The following FAM227A variants were observed in gnomAD, a reference collection of about 807,000 sequenced individuals.
FAM227A encodes family with sequence similarity 227 member A, also known as protein FAM227A.
FAM227A carries 80 observed loss-of-function variants against 74.7 expected under a neutral mutation model. The ratio of observed to expected loss-of-function variants is 1.07; its 90% CI spans 0.89 to 1.29. The LOEUF (loss-of-function observed/expected upper bound fraction) is 1.29. Among genes scored for constraint, FAM227A ranks in the 50% most tolerant of loss-of-function variants. The pLI is 0.00. For synonymous variants in FAM227A, 237 were observed against 241.8 expected, an observed-to-expected ratio of 0.98 and a Z score of 0.19; for missense variants, 654 against 683.4, an observed-to-expected ratio of 0.96 and a Z score of 0.48.
intron 14 of FAM227A, 99 bp downstream of exon 14, chr22:38,599,665 C>A: frequency 8.7e-7 from 1 of 1,149,004 alleles, no homozygotes; most frequent in African/African-American, 1.6e-5. Flanking sequence ...GTGCCAGGCG[C>A]TGTGCTAAGG....
In FAM227A at chr22:38,583,261, C is replaced by T. The variant is rs2090740293; in HGVS notation, c.*2864G>A. On this transcript the variant is annotated 3_prime_UTR_variant, in exon 17 of 17. Coordinates refer to ENST00000535113, the MANE Select transcript of FAM227A (RefSeq NM_001013647.2). ...AATCTCAGCTCACTGCATCCTCCAC[C>T]TCCCGGGTTCAAGTGATTCTCCTGC... is the stretch of plus-strand genomic sequence containing the variant. 1 of 205,400 alleles carries T rather than the reference C, an allele frequency of 4.9e-6. No homozygotes were observed. Among genetic ancestry groups the T allele is most frequent in the Non-Finnish European group, 9.9e-6 (1 of 100,674 alleles). 12.7% of individuals were successfully genotyped at this position (205,400 alleles called of 1,614,324 possible). A position where few individuals can be genotyped will look rare whatever the true frequency, so the allele number is the denominator to read the frequency against.
At position 38,583,444 on chromosome 22, in the gene FAM227A, G is replaced by C. The variant is rs2090744301; in HGVS notation, c.*2681C>G. 6.3e-6 allele frequency: 1 copy of C among 159,912 alleles called. No homozygotes were observed. Among genetic ancestry groups the C allele is most frequent in the African/African-American group, 2.4e-5 (1 of 41,412 alleles). 9.9% of individuals were successfully genotyped at this position (159,912 alleles called of 1,614,324 possible). A position where few individuals can be genotyped will look rare whatever the true frequency, so the allele number is the denominator to read the frequency against. ...CCTGCCTTGGCCTCCCAAAGTGCTG[G>C]GATTACAGGCATGAGCCACTGCACC... On this transcript the variant is annotated 3_prime_UTR_variant, in exon 17 of 17. Transcript: ENST00000535113.
chr22:38,613,575 T>C (rs2091514843), intron 11 of FAM227A, among the ~76,000 whole-genome samples: 1 of 149,480 alleles, frequency 6.7e-6, no homozygotes, highest in Non-Finnish European at 1.5e-5. Context: ...CTGACATATA[T>C]AACGGGGAAG....
intron 16 of FAM227A, among the ~76,000 whole-genome samples, chr22:38,590,279 C>CAAAAA: frequency 3.4e-5 from 2 of 57,976 alleles, no homozygotes; most frequent in South Asian, 6.3e-4. Flanking sequence ...GACTCCATCT[C>CAAAAA]AAAAAAAAAA....
rs943187135 is a variant in FAM227A at position 38,583,231 on chromosome 22, G to A, written c.*2894C>T. On this transcript the variant is annotated 3_prime_UTR_variant, in exon 17 of 17. Coordinates refer to ENST00000535113, the MANE Select transcript of FAM227A (RefSeq NM_001013647.2). ...CTTGTTACCCAGGCTGGAGTGCAATGGTGCAATCTCAGCTCACTGCATCCT... is the reference window on the plus strand; with the variant it reads ...CTTGTTACCCAGGCTGGAGTGCAATAGTGCAATCTCAGCTCACTGCATCCT... 1 of 282,792 alleles carries A rather than the reference G, an allele frequency of 3.5e-6. No homozygotes were observed. The highest frequency in any genetic ancestry group is 8.5e-5 in the East Asian group (1 of 11,808). 17.5% of individuals were successfully genotyped at this position (282,792 alleles called of 1,614,324 possible).
At chr22:38,604,332 CA>C (rs1366128658) in intron 13 of FAM227A, among the ~76,000 whole-genome samples, 6 of 151,994 alleles carry the variant, frequency 3.9e-5, no homozygotes, top group East Asian at 1.9e-4. Context: ...CTCAAAAAAA[CA>C]AAAACAAAAA....
intron 11 of FAM227A, among the ~76,000 whole-genome samples, chr22:38,609,993 G>A (rs978505325): frequency 1.3e-5 from 2 of 151,582 alleles, no homozygotes; most frequent in African/African-American, 4.9e-5. Flanking sequence ...GGCTGGTCTC[G>A]AACTCCTGAC....
chr22:38,608,955 C>T (rs2091351893), intron 11 of FAM227A, among the ~76,000 whole-genome samples: 1 of 151,892 alleles, frequency 6.6e-6, no homozygotes, highest in South Asian at 2.1e-4. Flanking sequence ...GCCACCACAC[C>T]CAGCTAATTT....
rs892354000 is a variant in FAM227A at position 38,580,542 on chromosome 22, A to G, written c.*5583T>C. On this transcript the variant is annotated 3_prime_UTR_variant, in exon 17 of 17. Transcript: ENST00000535113. ...TTTTGTGATGTAAGCAGCCATGGATAATCAACCTAGATCCATTAATTCATT... is the reference window on the plus strand; with the variant it reads ...TTTTGTGATGTAAGCAGCCATGGATGATCAACCTAGATCCATTAATTCATT... 1 of 152,192 alleles carries G rather than the reference A, an allele frequency of 6.6e-6. No homozygotes were observed. The allele number at this position is 152,192 out of a possible 1,614,324, so 9.4% of individuals were successfully genotyped here. A position where few individuals can be genotyped will look rare whatever the true frequency, so the allele number is the denominator to read the frequency against.
rs1002668903 is a variant in FAM227A, at chr22:38,639,571, T to A, written c.295+84A>T. Reference sequence around the variant, plus strand: ...GACAGAAACATCCTCATCTGAAACTTGGGATTCCTACTCAGTTGCATTTTA... The same window carrying A: ...GACAGAAACATCCTCATCTGAAACTAGGGATTCCTACTCAGTTGCATTTTA... On this transcript the variant is annotated intron_variant, in intron 4 of 16. Transcript: ENST00000535113. 40 of 1,246,446 alleles carry A rather than the reference T, an allele frequency of 3.2e-5. No homozygotes were observed. The African/African-American group carries it at 5.1e-4, about 16-fold the overall frequency. 77.2% of individuals were successfully genotyped at this position (1,246,446 alleles called of 1,614,324 possible). A position where few individuals can be genotyped will look rare whatever the true frequency, so the allele number is the denominator to read the frequency against.
In FAM227A at chr22:38,628,293, T is replaced by A. The variant is rs1251221711; in HGVS notation, c.671A>T (p.Tyr224Phe). Reference sequence around the variant, plus strand: ...GGGTACACGAAACAAAAGTAAGGCATAGTGCTGGGCTATCCGGTCAAACAG... The same window carrying A: ...GGGTACACGAAACAAAAGTAAGGCAAAGTGCTGGGCTATCCGGTCAAACAG... ...NNLFDRIAQHYALLLFRVPKS... is the reference protein window; with the variant it reads ...NNLFDRIAQHFALLLFRVPKS... Residue 224 changes from tyrosine (Y) to phenylalanine (F), a missense_variant, in exon 8 of 17, where the codon TAT becomes TTT. Physicochemically the swap from Tyr to Phe is conservative, Grantham distance 22. Transcript: ENST00000535113. 1.3e-6 allele frequency: 2 copies of A among 1,551,620 alleles called. No individual in the cohort carries two copies. The highest frequency in any genetic ancestry group is 2.4e-5 in the East Asian group (1 of 40,914).
At chr22:38,630,809 G>A (rs2091901444) in intron 6 of FAM227A, among the ~76,000 whole-genome samples, 3 of 152,146 alleles carry the variant, frequency 2.0e-5, no homozygotes, top group Admixed American at 2.0e-4. Context: ...GCATCCCAGG[G>A]GGATGTGGAG....
intron 13 of FAM227A, among the ~76,000 whole-genome samples, chr22:38,604,645 C>T (rs1396059285): frequency 3.3e-5 from 5 of 151,998 alleles, no homozygotes; most frequent in Non-Finnish European, 7.4e-5. Flanking sequence ...CACTTATTTG[C>T]TTTTTATTTT....
intron 11 of FAM227A, among the ~76,000 whole-genome samples, chr22:38,614,976 T>G (rs2091544831): frequency 6.6e-6 from 1 of 152,222 alleles, no homozygotes; most frequent in Non-Finnish European, 1.5e-5. Flanking sequence ...GATGACCTCA[T>G]TCACGAAGTC....
At chr22:38,626,410 G>A in intron 8 of FAM227A, 107 bp from the exon 9 acceptor site, 1 of 1,352,042 alleles carries the variant, frequency 7.4e-7, no homozygotes, top group Non-Finnish European at 9.8e-7. Context: ...TTTTGTTGTT[G>A]TTGTTGTTTA....
chr22:38,654,378 A>C (rs905943628), intron 1 of FAM227A, among the ~76,000 whole-genome samples: 1 of 151,510 alleles, frequency 6.6e-6, no homozygotes, highest in African/African-American at 2.4e-5. Flanking sequence ...GAGCGGAAAT[A>C]ATATGCCATC....
At chr22:38,625,648 C>A (rs1464414297) in intron 9 of FAM227A, among the ~76,000 whole-genome samples, 1 of 151,628 alleles carries the variant, frequency 6.6e-6, no homozygotes, top group African/African-American at 2.4e-5. Flanking sequence ...TAGCTGAACA[C>A]AAAAAGGGGA....
In FAM227A at chr22:38,650,483, CATG is replaced by C. The variant is rs2092307894; in HGVS notation, c.-94-224_-94-222del. On this transcript the variant is annotated intron_variant, in intron 1 of 16. Coordinates refer to ENST00000535113, the MANE Select transcript of FAM227A (RefSeq NM_001013647.2). ...CCTGACTCTCCCTCTGCCCCTCCCCCATGATGAAAATTGTTCTAGTTTTAAAAA... is the reference window on the plus strand; with the variant it reads ...CCTGACTCTCCCTCTGCCCCTCCCCCATGAAAATTGTTCTAGTTTTAAAAA... Among the ~76,000 whole-genome samples, 4 of 152,210 alleles carry C rather than the reference CATG, an allele frequency of 2.6e-5. No individual in the cohort carries two copies. The South Asian group carries it at 6.2e-4, about 24-fold the overall frequency.
rs1427468479 is a variant in FAM227A, at chr22:38,579,376, G to A, written c.*6749C>T. 6 of 152,318 alleles carry A rather than the reference G, an allele frequency of 3.9e-5. No individual in the cohort carries two copies. In the South Asian group the frequency reaches 8.3e-4, roughly 21 times the overall value. 9.4% of individuals were successfully genotyped at this position (152,318 alleles called of 1,614,324 possible). A position where few individuals can be genotyped will look rare whatever the true frequency, so the allele number is the denominator to read the frequency against. ...TTGGAGGGGCAAGAGAAAGGGCAAAGAGAATGCTAGGAGAATATTGTATAA... is the reference window on the plus strand; with the variant it reads ...TTGGAGGGGCAAGAGAAAGGGCAAAAAGAATGCTAGGAGAATATTGTATAA... On this transcript the variant is annotated 3_prime_UTR_variant, in exon 17 of 17. Coordinates refer to ENST00000535113, the MANE Select transcript of FAM227A (RefSeq NM_001013647.2).
Sources: gnomAD v4.1 joint callset for allele counts (sites outside exome capture counted in the v4.1 genomes callset) on GRCh38, gnomAD v4.1.1 for gene constraint, MANE v1.5 for transcripts, NCBI Gene and HGNC (gene_info 2026-07-23, HGNC 2026-07-21) for gene names.